Variants in ACAP2 observed in about 807,000 individuals in gnomAD.
ACAP2 encodes the protein ArfGAP with coiled-coil, ankyrin repeat and PH domains 2.
Under a neutral mutation model 115.8 loss-of-function variants are expected in ACAP2, and 39 were observed. The ratio of observed to expected loss-of-function variants is 0.34; its 90% CI spans 0.26 to 0.44. The LOEUF is 0.44. Among genes scored for constraint, ACAP2 ranks in the 20% least tolerant of loss-of-function variants. The pLI is 1.00. For missense variants in ACAP2, 662 were observed against 927.6 expected (o/e 0.71, Z 3.72); for synonymous variants, 289 against 315.8 (o/e 0.92, Z 0.90).
intron 9 of ACAP2, among the ~76,000 whole-genome samples, chr3:195,324,101 G>T (rs1729620544): frequency 6.6e-6 from 1 of 151,920 alleles, no homozygotes; most frequent in Non-Finnish European, 1.5e-5. Context: ...TTTTTAAAAG[G>T]ATTTGATCAA....
chr3:195,367,676 C>T (rs935228829), intron 4 of ACAP2, among the ~76,000 whole-genome samples: 1 of 152,150 alleles, frequency 6.6e-6, no homozygotes, highest in Admixed American at 6.6e-5. Flanking sequence ...TTTAAGGGAC[C>T]ATGTACCCAC....
chr3:195,401,730 A>C (rs757561164), intron 1 of ACAP2, among the ~76,000 whole-genome samples: 6 of 152,182 alleles, frequency 3.9e-5, no homozygotes, highest in Non-Finnish European at 7.4e-5. Context: ...TGAGTACATA[A>C]GCAACAACCC....
chr3:195,418,833 A>G (rs1373241537), intron 1 of ACAP2, among the ~76,000 whole-genome samples: 1 of 152,212 alleles, frequency 6.6e-6, no homozygotes, highest in African/African-American at 2.4e-5. Flanking sequence ...CTTAACTATT[A>G]AAGAGATAAA....
At chr3:195,367,566 G>A (rs528741362) in intron 4 of ACAP2, among the ~76,000 whole-genome samples, 5 of 152,204 alleles carry the variant, frequency 3.3e-5, no homozygotes, top group Admixed American at 1.3e-4. Flanking sequence ...CCACTCACAC[G>A]GTAGAGTTGA....
intron 10 of ACAP2, among the ~76,000 whole-genome samples, chr3:195,310,883 T>A (rs1411817028): frequency 6.6e-6 from 1 of 152,054 alleles, no homozygotes; most frequent in Non-Finnish European, 1.5e-5. Context: ...AGGAAAAACG[T>A]CATATATCCT....
chr3:195,436,985 A>T (rs1715590453), intron 1 of ACAP2, among the ~76,000 whole-genome samples: 1 of 152,246 alleles, frequency 6.6e-6, no homozygotes, highest in Non-Finnish European at 1.5e-5. Flanking sequence ...AACAAAAGCC[A>T]GCTTTTAAAT....
chr3:195,300,682 T>A (rs1727989179), intron 15 of ACAP2, among the ~76,000 whole-genome samples: 1 of 152,132 alleles, frequency 6.6e-6, no homozygotes, highest in Non-Finnish European at 1.5e-5. Flanking sequence ...TCTTATATAT[T>A]TAAAAAGAAT....
intron 1 of ACAP2, among the ~76,000 whole-genome samples, chr3:195,407,834 G>A (rs9864603): frequency 0.3 from 45,949 of 151,838 alleles, 7,953 homozygotes; most frequent in East Asian, 0.81. Flanking sequence ...GAAACAGAAA[G>A]TAGAAAAACG....
At chr3:195,287,733 A>G (rs1321610564) in intron 21 of ACAP2, among the ~76,000 whole-genome samples, 1 of 152,206 alleles carries the variant, frequency 6.6e-6, no homozygotes, top group Non-Finnish European at 1.5e-5. Flanking sequence ...AGAATCCTCT[A>G]ATTCTCGAGG....
At chr3:195,434,111 T>A (rs1031348583) in intron 1 of ACAP2, among the ~76,000 whole-genome samples, 7 of 152,164 alleles carry the variant, frequency 4.6e-5, no homozygotes, top group Admixed American at 1.3e-4. Flanking sequence ...AATTTTTTTA[T>A]AGAGACAAGG....
At position 195,307,270 on chromosome 3, in the gene ACAP2, A is replaced by C; in HGVS notation, c.963T>G (p.Cys321Trp). The change falls in exon 12 of 23, where the codon TGT (cysteine) becomes TGG (tryptophan). Residue 321 changes from cysteine to tryptophan, a missense_variant. By Grantham distance (215) the Cys-to-Trp change is radical. This residue lies in a region of ACAP2 where 401 missense variants were observed against 604.4 expected (regional missense o/e 0.66). Coordinates refer to ENST00000326793, the MANE Select transcript of ACAP2 (RefSeq NM_012287.6). ...AGCAGAATCGTCGCTCTATGTCTTC[A>C]CAATGTTTCACTGTGCAAAGCCTGA... ...EDLRLCTVKH[C>W]EDIERRFCFE... The C allele has an allele frequency of 1.2e-6, 2 of 1,613,546 alleles. No individual in the cohort carries two copies. Among genetic ancestry groups the C allele is most frequent in the Non-Finnish European group, 1.7e-6 (2 of 1,179,628 alleles).
intron 4 of ACAP2, among the ~76,000 whole-genome samples, chr3:195,346,901 G>A (rs1200661439): frequency 6.6e-6 from 1 of 152,114 alleles, no homozygotes; most frequent in Non-Finnish European, 1.5e-5. Context: ...AAAATTTGTA[G>A]GGCATTCAGG....
At chr3:195,383,297 TAGTA>T (rs1343986328) in intron 2 of ACAP2, among the ~76,000 whole-genome samples, 1 of 151,404 alleles carries the variant, frequency 6.6e-6, no homozygotes, top group East Asian at 2.0e-4. Context: ...TATAAAAAGA[TAGTA>T]AATAAAAGTC....
At chr3:195,408,480 A>G (rs1712977484) in intron 1 of ACAP2, among the ~76,000 whole-genome samples, 1 of 152,282 alleles carries the variant, frequency 6.6e-6, no homozygotes, top group Admixed American at 6.5e-5. Flanking sequence ...AGAAAAAAAA[A>G]TTAAGTCCTA....
At chr3:195,442,733 T>C in intron 1 of ACAP2, 62 bp downstream of exon 1, 1 of 1,504,398 alleles carries the variant, frequency 6.6e-7, no homozygotes, top group Non-Finnish European at 8.9e-7. Context: ...CGGGCCCGGC[T>C]TTCACGCCCC....
chr3:195,360,735 A>C (rs1417868046), intron 4 of ACAP2, among the ~76,000 whole-genome samples: 1 of 152,130 alleles, frequency 6.6e-6, no homozygotes, highest in Non-Finnish European at 1.5e-5. Context: ...CAGAGGTTGC[A>C]GTGAGTTGGG....
intron 6 of ACAP2, among the ~76,000 whole-genome samples, chr3:195,340,578 G>T (rs959212456): frequency 2.0e-5 from 3 of 152,126 alleles, no homozygotes; most frequent in Non-Finnish European, 4.4e-5. Flanking sequence ...GACAGAAATG[G>T]AAAAGAAATA....
At chr3:195,328,060 C>G (rs1027002079) in intron 8 of ACAP2, among the ~76,000 whole-genome samples, 1 of 152,038 alleles carries the variant, frequency 6.6e-6, no homozygotes, top group Non-Finnish European at 1.5e-5. Flanking sequence ...GAGAAATGCA[C>G]TGGCTTCTTG....
chr3:195,306,851 T>G (rs2108984078), intron 12 of ACAP2: 2 of 228,344 alleles, frequency 8.8e-6, no homozygotes, highest in Admixed American at 1.5e-4. Flanking sequence ...CACTGAATAT[T>G]TAAAAAAAAA....
Sources: gnomAD v4.1 joint callset for allele counts (sites outside exome capture counted in the v4.1 genomes callset) on GRCh38, gnomAD v4.1.1 for gene constraint, gnomAD v4.1.1 regional missense constraint, MANE v1.5 for transcripts, NCBI Gene and HGNC (gene_info 2026-07-23, HGNC 2026-07-21) for gene names.